Variants in ANO6 observed in about 807,000 individuals in gnomAD.
The protein encoded by ANO6 is anoctamin 6.
Under a neutral mutation model 117.5 loss-of-function variants are expected in ANO6, and 106 were observed. That is an observed-to-expected ratio of 0.90 (90% CI 0.77 to 1.06). The LOEUF (loss-of-function observed/expected upper bound fraction) is 1.06. Ranked by LOEUF, ANO6 falls within the 50% of genes least tolerant of loss-of-function variation. ANO6 has a pLI of 0.00. For synonymous variants in ANO6, 367 were observed against 385.1 expected, an observed-to-expected ratio of 0.95 and a Z score of 0.55; for missense variants, 955 against 1,121.1, an observed-to-expected ratio of 0.85 and a Z score of 2.12.
At chr12:45,401,136 G>A (rs765481503) in intron 12 of ANO6, among the ~76,000 whole-genome samples, 5 of 152,242 alleles carry the variant, frequency 3.3e-5, no homozygotes, top group African/African-American at 7.2e-5. Flanking sequence ...TGAAAAGTGT[G>A]TGAAGCTTTT....
At chr12:45,363,563 CAAA>C (rs528756231) in intron 8 of ANO6, among the ~76,000 whole-genome samples, 2 of 113,818 alleles carry the variant, frequency 1.8e-5, no homozygotes, top group African/African-American at 3.2e-5. Context: ...GACTCTGTCT[CAAA>C]AAAAAAAAAA....
At chr12:45,310,179 CAT>C (rs1445552886) in intron 2 of ANO6, among the ~76,000 whole-genome samples, 2 of 152,158 alleles carry the variant, frequency 1.3e-5, no homozygotes, top group African/African-American at 4.8e-5. Context: ...AGCAGTTTAA[CAT>C]GTGAAGATGT....
At chr12:45,250,122 G>C (rs1947880357) in intron 1 of ANO6, among the ~76,000 whole-genome samples, 1 of 152,130 alleles carries the variant, frequency 6.6e-6, no homozygotes, top group South Asian at 2.1e-4. Context: ...AATGGTCATA[G>C]GTTGTCTTAA....
intron 1 of ANO6, among the ~76,000 whole-genome samples, chr12:45,290,618 A>G (rs1311320179): frequency 6.6e-6 from 1 of 152,250 alleles, no homozygotes; most frequent in Non-Finnish European, 1.5e-5. Flanking sequence ...ACATATTTCT[A>G]CAATTAATAC....
chr12:45,244,744 G>A lies in ANO6; in HGVS notation c.70+28353G>A, dbSNP rs1428776671. On this transcript the variant is annotated intron_variant, in intron 1 of 19. Transcript: ENST00000320560. ...CAGTTCCCATACTGAGGTTTCGTAA[G>A]GTTTGCCTGCTTTAAAATGGGTGCA... 3.3e-5 allele frequency among the ~76,000 whole-genome samples: 5 copies of A among 152,132 alleles called. No individual in the cohort carries two copies. The East Asian group carries it at 9.6e-4, about 29-fold the overall frequency.
At chr12:45,291,141 A>G (rs1202251280) in intron 1 of ANO6, among the ~76,000 whole-genome samples, 1 of 152,164 alleles carries the variant, frequency 6.6e-6, no homozygotes, top group African/African-American at 2.4e-5. Context: ...AAATTAACTC[A>G]AAATGGATTA....
intron 1 of ANO6, among the ~76,000 whole-genome samples, chr12:45,285,251 A>C (rs1323770044): frequency 1.3e-5 from 2 of 152,186 alleles, no homozygotes; most frequent in Non-Finnish European, 2.9e-5. Context: ...ATCCATCACC[A>C]TGCCCCACCC....
At chr12:45,285,749 A>G (rs1050151200) in intron 1 of ANO6, among the ~76,000 whole-genome samples, 1 of 150,896 alleles carries the variant, frequency 6.6e-6, no homozygotes, top group African/African-American at 2.4e-5. Flanking sequence ...AAAGAAAAAG[A>G]AAAAAAAAGG....
intron 13 of ANO6, among the ~76,000 whole-genome samples, chr12:45,402,231 G>A (rs975158931): frequency 8.5e-5 from 13 of 152,132 alleles, no homozygotes; most frequent in East Asian, 1.9e-4. Context: ...TCATCATAAC[G>A]TCCAAGCTCT....
At chr12:45,259,271 C>A (rs776097169) in intron 1 of ANO6, among the ~76,000 whole-genome samples, 3 of 152,124 alleles carry the variant, frequency 2.0e-5, no homozygotes, top group Non-Finnish European at 4.4e-5. Flanking sequence ...ATGCTTTTTC[C>A]TGGTTTCTGT....
chr12:45,278,457 T>C (rs980066938), intron 1 of ANO6, among the ~76,000 whole-genome samples: 11 of 152,216 alleles, frequency 7.2e-5, no homozygotes, highest in Non-Finnish European at 1.3e-4. Context: ...TTTCCATGTT[T>C]CCTATTTTTC....
chr12:45,226,984 C>CTTTTTTTTTTTTTTTTTTTTTTTTTTTTT (rs906373347), intron 1 of ANO6, among the ~76,000 whole-genome samples: 2 of 112,764 alleles, frequency 1.8e-5, no homozygotes, highest in African/African-American at 3.4e-5. Flanking sequence ...TTATCATTTT[C>CTTTTTTTTTTTTTTTTTTTTTTTTTTTTT]TTTTTTTTTT....
At chr12:45,423,113 C>A in intron 19 of ANO6, 51 bp downstream of exon 19, 1 of 1,388,666 alleles carries the variant, frequency 7.2e-7, no homozygotes, top group Non-Finnish European at 1.0e-6. Flanking sequence ...ATTTGCAGAC[C>A]TTCCATTAAG....
At chr12:45,351,485 A>G (rs1405929883) in intron 7 of ANO6, among the ~76,000 whole-genome samples, 13 of 152,218 alleles carry the variant, frequency 8.5e-5, no homozygotes, top group African/African-American at 3.1e-4. Context: ...ACACCCAAAC[A>G]AGCCAATAAA....
At chr12:45,379,742 A>C (rs12580991) in intron 10 of ANO6, among the ~76,000 whole-genome samples, 22,774 of 152,200 alleles carry the variant, frequency 0.15, 2,356 homozygotes, top group East Asian at 0.46. Context: ...CCTCAAATTT[A>C]CTAGCTAACC....
intron 1 of ANO6, among the ~76,000 whole-genome samples, chr12:45,279,784 A>G: frequency 6.6e-6 from 1 of 152,250 alleles, no homozygotes; most frequent in East Asian, 1.9e-4. Context: ...ATTTCCAAGA[A>G]GTTGAGATAA....
intron 15 of ANO6, among the ~76,000 whole-genome samples, chr12:45,408,255 GT>G (rs1315204394): frequency 6.6e-5 from 10 of 152,318 alleles, no homozygotes; most frequent in African/African-American, 2.4e-4. Flanking sequence ...ATCAGCCAGT[GT>G]ATCCAGATGT....
At position 45,421,255 on chromosome 12, in the gene ANO6, G is replaced by C; in HGVS notation, c.2402G>C (p.Gly801Ala). 1 of 1,614,094 alleles carries C rather than the reference G, an allele frequency of 6.2e-7. No individual in the cohort carries two copies. Among genetic ancestry groups the C allele is most frequent in the African/African-American group, 1.3e-5 (1 of 75,046 alleles). Reference protein sequence around the residue: ...KSKGNPYSDLGNHTTCRYRDF... With the variant: ...KSKGNPYSDLANHTTCRYRDF... ...AAGGGAAACCCGTACTCTGACCTGG[G>C]TAACCATACCACATGCAGGCAAGTT... Residue 801 changes from glycine to alanine, a missense_variant, in exon 18 of 20, where the codon GGT becomes GCT. Physicochemically the swap from Gly to Ala is moderately conservative, Grantham distance 60. Transcript: ENST00000320560.
intron 2 of ANO6, among the ~76,000 whole-genome samples, chr12:45,327,847 A>T (rs1032289540): frequency 2.0e-5 from 3 of 152,216 alleles, no homozygotes; most frequent in Non-Finnish European, 2.9e-5. Context: ...AGAAAAAAAA[A>T]TTTTATTCTA....
Sources: gnomAD v4.1 joint callset for allele counts (sites outside exome capture counted in the v4.1 genomes callset) on GRCh38, gnomAD v4.1.1 for gene constraint, MANE v1.5 for transcripts, NCBI Gene and HGNC (gene_info 2026-07-23, HGNC 2026-07-21) for gene names.